Variants in MYBL1 observed in about 807,000 individuals in gnomAD.
The protein encoded by MYBL1 is myb-related protein A.
In MYBL1, 17 loss-of-function variants were observed where a neutral mutation model predicts 96.3. That is an observed-to-expected ratio of 0.18 (90% confidence interval 0.12 to 0.26). MYBL1 has a LOEUF of 0.26. Among genes scored for constraint, MYBL1 ranks in the 10% least tolerant of loss-of-function variants. The probability of loss-of-function intolerance (pLI) is 1.00; values close to 1 mark genes in which losing one functional copy is unlikely to be tolerated. For missense variants in MYBL1, 701 were observed against 882.9 expected (o/e 0.79, Z 2.61); for synonymous variants, 282 against 292.7 (o/e 0.96, Z 0.37).
At chr8:66,570,723 G>A (rs1808695544) in intron 12 of MYBL1, among the ~76,000 whole-genome samples, 1 of 152,026 alleles carries the variant, frequency 6.6e-6, no homozygotes, top group African/African-American at 2.4e-5. Flanking sequence ...CACTGAAACA[G>A]CCTAAATCAA....
At chr8:66,584,318 A>C (rs888744365) in intron 8 of MYBL1, among the ~76,000 whole-genome samples, 1 of 152,238 alleles carries the variant, frequency 6.6e-6, no homozygotes, top group African/African-American at 2.4e-5. Flanking sequence ...AAATGAGACA[A>C]GGATGTCCAT....
intron 10 of MYBL1, 129 bp downstream of exon 10, chr8:66,575,878 T>G (rs761386934): frequency 3.5e-6 from 3 of 846,654 alleles, no homozygotes; most frequent in Non-Finnish European, 5.2e-6. Flanking sequence ...TTCAGTATTC[T>G]CAAGTATACA....
chr8:66,599,006 C>A, intron 4 of MYBL1, 44 bp downstream of exon 4: 1 of 1,253,252 alleles, frequency 8.0e-7, no homozygotes, highest in South Asian at 1.9e-5. Context: ...AAGAAAAAAG[C>A]TAGTCTACCT....
rs747887192 is a variant in MYBL1 at position 66,564,710 on chromosome 8, G to A, written c.2246C>T (p.Ala749Val). 1.6e-5 allele frequency: 25 copies of A among 1,576,992 alleles called. No individual in the cohort carries two copies. Among genetic ancestry groups the A allele is most frequent in the Non-Finnish European group, 2.2e-5 (25 of 1,158,398 alleles). Residue 749 changes from alanine (A) to valine (V), a missense_variant, in exon 16 of 16, where the codon GCT becomes GTT. This residue lies in a region of MYBL1 where 137 missense variants were observed against 137.5 expected (regional missense o/e 1.00). Coordinates refer to ENST00000522677, the MANE Select transcript of MYBL1 (RefSeq NM_001080416.4). ...TTTTAATAACAATTACAGTATGAGA[G>A]CTCTTGAAGTACTACTGGTAGCTGT... ...TYTATSSTSRALIL is the reference protein window; with the variant it reads ...TYTATSSTSRVLIL
chr8:66,592,469 T>C lies in MYBL1; in HGVS notation c.838A>G (p.Asn280Asp). The change falls in exon 8 of 16, where the codon AAT (asparagine) becomes GAT (aspartate). Residue 280 changes from asparagine to aspartate, a missense_variant. By Grantham distance (23) the Asn-to-Asp change is conservative. Around this residue, in one of 5 missense-constraint regions of MYBL1, gnomAD observed 396 missense variants for 407.4 expected, o/e 0.97. Transcript: ENST00000522677. ...ELEMLLMSAE[N>D]EVRRKRIPSQ... ...GGAATTCGCTTTCTTCTAACTTCAT[T>C]CTCAGCTGACATAAGAAGCATCTCA... 1 of 1,602,254 alleles carries C rather than the reference T, an allele frequency of 6.2e-7. No homozygotes were observed.
At chr8:66,583,886 AAAG>A (rs1484848952) in intron 8 of MYBL1, among the ~76,000 whole-genome samples, 3 of 152,218 alleles carry the variant, frequency 2.0e-5, no homozygotes, top group African/African-American at 7.2e-5. Flanking sequence ...CCAAACATAT[AAAG>A]AAGAACTATC....
chr8:66,583,504 A>G (rs74331239), intron 8 of MYBL1, among the ~76,000 whole-genome samples: 3,675 of 152,248 alleles, frequency 0.024, 59 homozygotes, highest in Non-Finnish European at 0.035. Flanking sequence ...TGAGACAAAC[A>G]AATACAAATA....
intron 6 of MYBL1, among the ~76,000 whole-genome samples, chr8:66,593,696 C>G (rs1046797999): frequency 1.3e-5 from 2 of 152,166 alleles, no homozygotes; most frequent in Non-Finnish European, 2.9e-5. Flanking sequence ...ATCAGAATCA[C>G]TCACATACTT....
chr8:66,580,192 C>T lies in MYBL1; in HGVS notation c.1042G>A (p.Val348Met). ...GGGATGGTCTGCAAAGAGGATAACA[C>T]AGCGTTTGCCTCCACGGCCAGGAAC... ...TKFLAVEANA[V>M]LSSLQTIPEF... Residue 348 changes from valine (V) to methionine (M), a missense_variant, in exon 9 of 16, where the codon GTG becomes ATG. Val to Met is a conservative substitution (Grantham distance 21). This residue lies in a region of MYBL1 where 396 missense variants were observed against 407.4 expected (regional missense o/e 0.97). Coordinates refer to ENST00000522677, the MANE Select transcript of MYBL1 (RefSeq NM_001080416.4). The T allele has an allele frequency of 6.2e-7, 1 of 1,613,956 alleles. No individual in the cohort carries two copies. Among genetic ancestry groups the T allele is most frequent in the Non-Finnish European group, 8.5e-7 (1 of 1,179,882 alleles).
At chr8:66,599,213 C>A in intron 3 of MYBL1, 71 bp from the exon 4 acceptor site, 2 of 961,616 alleles carry the variant, frequency 2.1e-6, no homozygotes, top group East Asian at 2.8e-5. Flanking sequence ...GAATTTATGT[C>A]TCACATCCTT....
chr8:66,596,416 C>T (rs1018822227), intron 5 of MYBL1, among the ~76,000 whole-genome samples: 6 of 152,072 alleles, frequency 3.9e-5, no homozygotes, highest in Non-Finnish European at 7.4e-5. Flanking sequence ...AAATTTCATC[C>T]CTCATAAAAT....
intron 1 of MYBL1, among the ~76,000 whole-genome samples, chr8:66,603,052 A>ATACTTCTTACTG (rs1285243787): frequency 6.6e-6 from 1 of 151,952 alleles, no homozygotes; most frequent in East Asian, 1.9e-4. Flanking sequence ...GCCTGGAACT[A>ATACTTCTTACTG]TACTTCTTAC....
chr8:66,576,163 G>C lies in MYBL1; in HGVS notation c.1314C>G (p.Ala438=). ...EAVPLTSPNI[A]KFSTPPAILR... Reference sequence around the variant, plus strand: ...GGATGGCTGGTGGAGTGCTAAACTTGGCTATATTTGGGGATGTTAAAGGAA... The same window carrying C: ...GGATGGCTGGTGGAGTGCTAAACTTCGCTATATTTGGGGATGTTAAAGGAA... The change falls in exon 10 of 16, where the codon GCC becomes GCG. Residue 438 remains alanine (A), a synonymous_variant. Transcript: ENST00000522677. 2.5e-6 allele frequency: 4 copies of C among 1,613,942 alleles called. No individual in the cohort carries two copies. The highest frequency in any genetic ancestry group is 3.4e-6 in the Non-Finnish European group (4 of 1,179,880).
chr8:66,610,428 A>T (rs974823119), intron 1 of MYBL1, among the ~76,000 whole-genome samples: 15 of 151,306 alleles, frequency 9.9e-5, no homozygotes, highest in African/African-American at 3.6e-4. Flanking sequence ...TTCAGTTCAC[A>T]TAGGAAACAT....
chr8:66,607,302 A>G (rs558467784), intron 1 of MYBL1, among the ~76,000 whole-genome samples: 1 of 152,300 alleles, frequency 6.6e-6, no homozygotes, highest in South Asian at 2.1e-4. Context: ...ATCAGATAAA[A>G]CACCACACTG....
At chr8:66,586,011 T>C (rs950624041) in intron 8 of MYBL1, among the ~76,000 whole-genome samples, 4 of 149,272 alleles carry the variant, frequency 2.7e-5, no homozygotes, top group Non-Finnish European at 5.9e-5. Context: ...AAAATACTAA[T>C]AATAATCTGG....
chr8:66,574,323 T>C (rs1465005119), intron 10 of MYBL1, among the ~76,000 whole-genome samples: 1 of 152,196 alleles, frequency 6.6e-6, no homozygotes, highest in African/African-American at 2.4e-5. Context: ...TACCTTAGAA[T>C]TCACACTTCA....
intron 10 of MYBL1, among the ~76,000 whole-genome samples, chr8:66,575,681 T>C (rs889712257): frequency 6.6e-6 from 1 of 152,122 alleles, no homozygotes; most frequent in South Asian, 2.1e-4. Context: ...TCCAGGCTAC[T>C]TGGGGGGCTG....
chr8:66,599,686 G>A (rs1296353895), intron 3 of MYBL1, among the ~76,000 whole-genome samples: 2 of 152,026 alleles, frequency 1.3e-5, no homozygotes, highest in Non-Finnish European at 2.9e-5. Context: ...TGTAATCCCA[G>A]CTACTCATAA....
Sources: gnomAD v4.1 joint callset for allele counts (sites outside exome capture counted in the v4.1 genomes callset) on GRCh38, gnomAD v4.1.1 for gene constraint, gnomAD v4.1.1 regional missense constraint, MANE v1.5 for transcripts, NCBI Gene and HGNC (gene_info 2026-07-23, HGNC 2026-07-21) for gene names.